The following CARMIL1 variants were observed in gnomAD, a reference collection of about 807,000 sequenced individuals.
CARMIL1 encodes the protein F-actin-uncapping protein LRRC16A.
In CARMIL1, 90 loss-of-function variants were observed where a neutral mutation model predicts 177.1. The observed-to-expected ratio is 0.51, with a 90% CI of 0.43 to 0.61. The LOEUF is 0.61. Among genes scored for constraint, CARMIL1 ranks in the 20% least tolerant of loss-of-function variants. CARMIL1 has a pLI of 0.00. For missense variants in CARMIL1, 1,380 were observed against 1,667.0 expected, an observed-to-expected ratio of 0.83 and a Z score of 3.00; for synonymous variants, 577 against 606.2, an observed-to-expected ratio of 0.95 and a Z score of 0.71.
intron 31 of CARMIL1, among the ~76,000 whole-genome samples, chr6:25,585,147 TAC>T (rs1813512948): frequency 6.6e-6 from 1 of 152,238 alleles, no homozygotes; most frequent in Non-Finnish European, 1.5e-5. Context: ...TCACGCTGCT[TAC>T]AGTTTCCAAA....
At chr6:25,349,239 G>A (rs987845327) in intron 2 of CARMIL1, among the ~76,000 whole-genome samples, 4 of 152,190 alleles carry the variant, frequency 2.6e-5, no homozygotes, top group African/African-American at 9.7e-5. Context: ...AGTTAGGCAT[G>A]CCAGTGAACC....
Position 25,515,682 on chromosome 6 carries a change from A to T in CARMIL1, c.1640A>T (p.Gln547Leu). 1.2e-6 allele frequency: 2 copies of T among 1,602,404 alleles called. No homozygotes were observed. Among genetic ancestry groups the T allele is most frequent in the Non-Finnish European group, 8.5e-7 (1 of 1,174,652 alleles). Reference sequence around the variant, plus strand: ...GTGTCATTTGCTCCGCAGCCTCTGCAGTCCTTGTCCCTGGCTGACTCGAAA... The same window carrying T: ...GTGTCATTTGCTCCGCAGCCTCTGCTGTCCTTGTCCCTGGCTGACTCGAAA... ...QMIQDEESPL[Q>L]SLSLADSKLK... The change falls in exon 21 of 37, where the codon CAG (glutamine) becomes CTG (leucine). Residue 547 changes from glutamine (Q) to leucine (L), a missense_variant. Gln to Leu is a moderately radical substitution (Grantham distance 113). Coordinates refer to ENST00000329474, the MANE Select transcript of CARMIL1 (RefSeq NM_017640.6). The surrounding 1 kb of genome is among the most constrained non-coding windows in gnomAD (Gnocchi z 5.0).
At chr6:25,287,996 G>A (rs1450991178) in intron 2 of CARMIL1, among the ~76,000 whole-genome samples, 2 of 152,204 alleles carry the variant, frequency 1.3e-5, no homozygotes, top group African/African-American at 4.8e-5. Flanking sequence ...GAAGCTTACA[G>A]TCTAGTTGGG....
chr6:25,454,424 G>C (rs190940615), intron 8 of CARMIL1, among the ~76,000 whole-genome samples: 1 of 152,056 alleles, frequency 6.6e-6, no homozygotes, highest in Non-Finnish European at 1.5e-5. Flanking sequence ...GGTGTCACGG[G>C]CTGTAGTCTG....
intron 8 of CARMIL1, among the ~76,000 whole-genome samples, chr6:25,460,313 T>C (rs1243723228): frequency 6.6e-6 from 1 of 152,250 alleles, no homozygotes; most frequent in Non-Finnish European, 1.5e-5. Flanking sequence ...ATTAGTTACA[T>C]ACTGTCTTGT....
chr6:25,550,412 G>T (rs1809966093), intron 26 of CARMIL1, among the ~76,000 whole-genome samples: 1 of 152,056 alleles, frequency 6.6e-6, no homozygotes, highest in Non-Finnish European at 1.5e-5. Context: ...TAGTTTCTGT[G>T]ATTTTTCTGC....
At chr6:25,534,923 A>T (rs1274218871) in intron 24 of CARMIL1, among the ~76,000 whole-genome samples, 1 of 152,260 alleles carries the variant, frequency 6.6e-6, no homozygotes, top group Non-Finnish European at 1.5e-5. Context: ...GCTGGAAATA[A>T]GAACAGTTGT....
Position 25,435,605 on chromosome 6 carries a change from G to A in CARMIL1, c.371+1G>A. 1 of 1,576,660 alleles carries A rather than the reference G, an allele frequency of 6.3e-7. No homozygotes were observed. Among genetic ancestry groups the A allele is most frequent in the Non-Finnish European group, 8.6e-7 (1 of 1,160,194 alleles). ...AGATATTTCCTGGCCTCTCTCCAGT[G>A]TGAGTTTCCCTGGGCAGGGTGAGGA... On this transcript the variant is annotated splice_donor_variant, in intron 5 of 36. Coordinates refer to ENST00000329474, the MANE Select transcript of CARMIL1 (RefSeq NM_017640.6). LOFTEE classifies it high-confidence loss of function.
At position 25,334,504 on chromosome 6, in the gene CARMIL1, C is replaced by CATGCCCACATTTGCAGT. The variant is rs566931976; in HGVS notation, c.138+49595_138+49596insATGCCCACATTTGCAGT. 6.4e-3 allele frequency among the ~76,000 whole-genome samples: 980 copies of CATGCCCACATTTGCAGT among 152,306 alleles called. 12 individuals are homozygous for CATGCCCACATTTGCAGT. The highest frequency in any genetic ancestry group is 0.021 in the African/African-American group (861 of 41,560). ...GGGGAATTTGCAGTTATCAGCTTAA[C>CATGCCCACATTTGCAGT]TAATCTCCATGCCCACATTTCTTGC... On this transcript the variant is annotated intron_variant, in intron 2 of 36. Transcript: ENST00000329474.
intron 35 of CARMIL1, among the ~76,000 whole-genome samples, chr6:25,606,914 A>G (rs1420209725): frequency 6.6e-6 from 1 of 152,198 alleles, no homozygotes; most frequent in Non-Finnish European, 1.5e-5. Context: ...AAAGTTTGCT[A>G]TTAGTTTAGA....
intron 2 of CARMIL1, among the ~76,000 whole-genome samples, chr6:25,333,643 A>T (rs1295699619): frequency 6.6e-6 from 1 of 150,934 alleles, no homozygotes; most frequent in East Asian, 1.9e-4. Context: ...TTGACAGTGG[A>T]GGGTTTTTTT....
intron 31 of CARMIL1, among the ~76,000 whole-genome samples, chr6:25,592,674 T>C (rs956940722): frequency 3.9e-5 from 6 of 152,210 alleles, no homozygotes; most frequent in Non-Finnish European, 5.9e-5. Flanking sequence ...AAGCGGATGA[T>C]TGTTCAAGGG....
intron 2 of CARMIL1, among the ~76,000 whole-genome samples, chr6:25,333,133 C>T (rs575126723): frequency 2.6e-5 from 4 of 152,284 alleles, no homozygotes; most frequent in East Asian, 3.9e-4. Context: ...TGTGGAAAGT[C>T]CCCTCCCTGC....
At chr6:25,417,295 C>T (rs1795445989) in intron 2 of CARMIL1, among the ~76,000 whole-genome samples, 1 of 152,100 alleles carries the variant, frequency 6.6e-6, no homozygotes, top group African/African-American at 2.4e-5. Context: ...TTTCCAAATT[C>T]CTCTTTATTA....
At chr6:25,395,974 C>T (rs781066911) in intron 2 of CARMIL1, among the ~76,000 whole-genome samples, 15 of 152,168 alleles carry the variant, frequency 9.9e-5, no homozygotes, top group Non-Finnish European at 2.1e-4. Flanking sequence ...GTGCCTTGCC[C>T]TCCTCCCAGT....
intron 5 of CARMIL1, among the ~76,000 whole-genome samples, chr6:25,438,385 A>AC (rs1432109044): frequency 6.6e-6 from 1 of 152,110 alleles, no homozygotes; most frequent in African/African-American, 2.4e-5. Flanking sequence ...GGGGAAAGAA[A>AC]CCCCCCAAAG....
At chr6:25,508,526 G>A (rs1294644037) in intron 17 of CARMIL1, among the ~76,000 whole-genome samples, 1 of 152,118 alleles carries the variant, frequency 6.6e-6, no homozygotes, top group Admixed American at 6.5e-5. Flanking sequence ...GTGAGACGCT[G>A]TCTCAAAAAA....
In CARMIL1 at chr6:25,279,751, A is replaced by C. The variant is rs1279310481; in HGVS notation, c.-45A>C. 1.2e-6 allele frequency: 2 copies of C among 1,601,938 alleles called. No homozygotes were observed. The highest frequency in any genetic ancestry group is 1.7e-6 in the Non-Finnish European group (2 of 1,169,062). Reference sequence around the variant, plus strand: ...GTTCGGGGAAGGGCAGGGGGCCATAAATCAGAGTTGGACCTGCAATAACCC... The same window carrying C: ...GTTCGGGGAAGGGCAGGGGGCCATACATCAGAGTTGGACCTGCAATAACCC... On this transcript the variant is annotated 5_prime_UTR_variant, in exon 1 of 37. Coordinates refer to ENST00000329474, the MANE Select transcript of CARMIL1 (RefSeq NM_017640.6).
chr6:25,471,339 T>A (rs1358918632), intron 10 of CARMIL1, 82 bp downstream of exon 10: 2 of 1,001,742 alleles, frequency 2.0e-6, no homozygotes, highest in Non-Finnish European at 2.9e-6. Context: ...TAGTTTTTTT[T>A]TTTTTTAATT....
Sources: gnomAD v4.1 joint callset for allele counts (sites outside exome capture counted in the v4.1 genomes callset) on GRCh38, gnomAD v4.1.1 for gene constraint, Gnocchi (gnomAD v3.1) non-coding constraint, MANE v1.5 for transcripts, NCBI Gene and HGNC (gene_info 2026-07-23, HGNC 2026-07-21) for gene names.